Variants in IGSF22 observed in about 807,000 individuals in gnomAD.
The protein encoded by IGSF22 is immunoglobulin superfamily, member 22.
In IGSF22, 119 loss-of-function variants were observed where a neutral mutation model predicts 127.0. That is an observed-to-expected ratio of 0.94 (90% CI 0.81 to 1.09). The LOEUF (loss-of-function observed/expected upper bound fraction) is 1.09. IGSF22 is among the 50% of genes least tolerant of loss of function. The pLI is 0.00. For synonymous variants in IGSF22, 568 were observed against 664.7 expected (o/e 0.85, Z 2.24); for missense variants, 1,518 against 1,716.6 (o/e 0.88, Z 2.04).
chr11:18,709,539 T>G lies in IGSF22; in HGVS notation c.2846A>C (p.Lys949Thr). 6.2e-7 allele frequency: 1 copy of G among 1,614,170 alleles called. No homozygotes were observed. Among genetic ancestry groups the G allele is most frequent in the Non-Finnish European group, 8.5e-7 (1 of 1,180,030 alleles). ...GCCTGAGATGGGGATCTTTGTGCAC[T>G]TGGACCACTCCTTTGTGTCTTCAGC... Reference protein sequence around the residue: ...MRAEDTKEWSKCTKIPISGTC... With the variant: ...MRAEDTKEWSTCTKIPISGTC... Residue 949 changes from lysine (K) to threonine (T), a missense_variant, in exon 18 of 23, where the codon AAG becomes ACG. Around this residue, in one of 3 missense-constraint regions of IGSF22, gnomAD observed 1,456 missense variants for 1,644.9 expected, o/e 0.89. Transcript: ENST00000513874. The surrounding 1 kb of genome is among the most constrained non-coding windows in gnomAD (Gnocchi z 4.8).
At position 18,715,522 on chromosome 11, in the gene IGSF22, G is replaced by C. The variant is rs747129950; in HGVS notation, c.1441C>G (p.Gln481Glu). ...GTGTACTCGCCACCATCACTGAGCT[G>C]TGCATCCTCAATGATCAGCTCTGCT... ...KRAELIIEDAQLSDGGEYTVV... is the reference protein window; with the variant it reads ...KRAELIIEDAELSDGGEYTVV... Residue 481 changes from glutamine (Q) to glutamate (E), a missense_variant, in exon 11 of 23, where the codon CAG becomes GAG. Transcript: ENST00000513874. 6.2e-7 allele frequency: 1 copy of C among 1,613,730 alleles called. No individual in the cohort carries two copies.
chr11:18,708,767 T>C (rs1225771496), intron 18 of IGSF22, among the ~76,000 whole-genome samples: 1 of 152,210 alleles, frequency 6.6e-6, no homozygotes, highest in Non-Finnish European at 1.5e-5. Context: ...GCCACCAGGT[T>C]AGGAGGATGT....
Position 18,707,995 on chromosome 11 carries a change from C to A in IGSF22, c.3089G>T (p.Gly1030Val), listed in dbSNP as rs1259671470. The change falls in exon 20 of 23, where the codon GGC becomes GTC. Residue 1030 changes from glycine to valine, a missense_variant and splice_region_variant. By Grantham distance (109) the Gly-to-Val change is moderately radical. This residue lies in a region of IGSF22 where 1,456 missense variants were observed against 1,644.9 expected (regional missense o/e 0.89). Transcript: ENST00000513874. ...TALCIHAAFS[G>V]SPPPDVIWQK... ...CCAGATCACGTCAGGTGGTGGTGAG[C>A]CCTGAGTAGTGACAGGAGATGGCAC... 1 of 1,614,000 alleles carries A rather than the reference C, an allele frequency of 6.2e-7. No individual in the cohort carries two copies. The highest frequency in any genetic ancestry group is 2.2e-5 in the East Asian group (1 of 44,878).
In IGSF22 at chr11:18,721,649, G is replaced by C. The variant is rs1848575598; in HGVS notation, c.264C>G (p.Ala88=). 6.2e-7 allele frequency: 1 copy of C among 1,614,146 alleles called. No homozygotes were observed. The highest frequency in any genetic ancestry group is 1.3e-5 in the African/African-American group (1 of 74,958). ...GGGGTTTGGCGTTCCCCTGCACCCG[G>C]GCTCGGAACACGGCTTTGTCCCCTG... ...APEGDKAVFR[A]RVQGNAKPHI... is the part of the protein sequence containing the mutation. Residue 88 remains alanine (A), a synonymous_variant, in exon 4 of 23, where the codon GCC becomes GCG. Coordinates refer to ENST00000513874, the MANE Select transcript of IGSF22 (RefSeq NM_173588.4).
Position 18,707,176 on chromosome 11 carries a change from C to A in IGSF22, c.3318G>T (p.Glu1106Asp). Residue 1106 changes from glutamate to aspartate, a missense_variant, in exon 21 of 23, where the codon GAG becomes GAT. By Grantham distance (45) the Glu-to-Asp change is conservative. This residue lies in a region of IGSF22 where 1,456 missense variants were observed against 1,644.9 expected (regional missense o/e 0.89). Transcript: ENST00000513874. ...TCAGAGTCACTGTGTTGGGGACTTC[C>A]TCAAACAACCGTAGGTTTGTGGGGG... The part of the protein sequence containing the change: ...PRPPTNLRLF[E>D]EVPNTVTLTW... 1 of 1,546,628 alleles carries A rather than the reference C, an allele frequency of 6.5e-7. No homozygotes were observed. The highest frequency in any genetic ancestry group is 8.7e-7 in the Non-Finnish European group (1 of 1,144,032).
At chr11:18,713,090 C>T (rs1354711376) in intron 14 of IGSF22, among the ~76,000 whole-genome samples, 1 of 151,760 alleles carries the variant, frequency 6.6e-6, no homozygotes, top group African/African-American at 2.4e-5. Flanking sequence ...TTCAAACTCA[C>T]TACTCTTTCC....
intron 22 of IGSF22, chr11:18,705,315 C>G: frequency 6.4e-6 from 1 of 157,104 alleles, no homozygotes; most frequent in East Asian, 1.9e-4. Flanking sequence ...ATGCTTCCCC[C>G]TATGTGTGCA....
Position 18,714,149 on chromosome 11 carries a change from C to T in IGSF22, c.1799-1G>A. ...ACTGACGGGTCGATGGTAGGAGGAT[C>T]TGTGGGGCGGGGCGGCAGGGAAGGC... On this transcript the variant is annotated splice_acceptor_variant, in intron 13 of 22. Transcript: ENST00000513874. LOFTEE classifies it high-confidence loss of function. The T allele has an allele frequency of 6.2e-7, 1 of 1,607,702 alleles. No individual in the cohort carries two copies. Among genetic ancestry groups the T allele is most frequent in the South Asian group, 1.1e-5 (1 of 90,396 alleles).
chr11:18,724,354 A>T (rs923948651), intron 1 of IGSF22, 85 bp from the exon 2 acceptor site: 10 of 682,162 alleles, frequency 1.5e-5, no homozygotes, highest in Non-Finnish European at 1.8e-5. Context: ...CAGACATAAG[A>T]GGAGATGGAA....
rs532014620 is a variant in IGSF22, at chr11:18,713,354, T to C, written c.2095+498A>G. On this transcript the variant is annotated intron_variant, in intron 14 of 22. Transcript: ENST00000513874. ...TTTTAGTAGAGACCGGGTTTCGCCA[T>C]GTTGGCCAGGCTGGTTTCGAACTCC... is the stretch of plus-strand genomic sequence containing the variant. Among the ~76,000 whole-genome samples, 6 of 152,290 alleles carry C rather than the reference T, an allele frequency of 3.9e-5. No individual in the cohort carries two copies. In the East Asian group the frequency reaches 1.2e-3, roughly 29 times the overall value.
Position 18,714,062 on chromosome 11 carries a change from C to T in IGSF22, c.1885G>A (p.Val629Ile), listed in dbSNP as rs756799522. 3 of 1,614,270 alleles carry T rather than the reference C, an allele frequency of 1.9e-6. No homozygotes were observed. The highest frequency in any genetic ancestry group is 2.5e-6 in the Non-Finnish European group (3 of 1,180,050). Residue 629 changes from valine (V) to isoleucine (I), a missense_variant, in exon 14 of 23, where the codon GTC (valine) becomes ATC (isoleucine). Val to Ile is a conservative substitution (Grantham distance 29). Around this residue, in one of 3 missense-constraint regions of IGSF22, gnomAD observed 1,456 missense variants for 1,644.9 expected, o/e 0.89. Coordinates refer to ENST00000513874, the MANE Select transcript of IGSF22 (RefSeq NM_173588.4). ...GGCAGTGGTTTTCCCCGGAAGGGGA[C>T]CTTGATGTGGGCCGTGTGGCCTACC... Reference protein sequence around the residue: ...VKVGHTAHIKVPFRGKPLPKV... With the variant: ...VKVGHTAHIKIPFRGKPLPKV...
Position 18,717,944 on chromosome 11 carries a change from C to T in IGSF22, c.960G>A (p.Glu320=). The T allele has an allele frequency of 6.2e-7, 1 of 1,613,998 alleles. No homozygotes were observed. Residue 320 remains glutamate (E), a synonymous_variant, in exon 9 of 23, where the codon GAG becomes GAA. Coordinates refer to ENST00000513874, the MANE Select transcript of IGSF22 (RefSeq NM_173588.4). The part of the protein sequence containing the change: ...LSVGDKRMSA[E]LTVLDEPLKF... The stretch of plus-strand genomic sequence containing the variant: ...CCCCACTCATACCCAGCACTGTGAG[C>T]TCTGCACTCATCCGCTTATCGCCCA...
Position 18,713,950 on chromosome 11 carries a change from G to T in IGSF22, c.1997C>A (p.Thr666Asn). 1 of 1,614,278 alleles carries T rather than the reference G, an allele frequency of 6.2e-7. No homozygotes were observed. The highest frequency in any genetic ancestry group is 1.1e-5 in the South Asian group (1 of 91,090). The change falls in exon 14 of 23, where the codon ACC (threonine) becomes AAC (asparagine). Residue 666 changes from threonine (T) to asparagine (N), a missense_variant. Thr to Asn is a moderately conservative substitution (Grantham distance 65). Transcript: ENST00000513874. Reference protein sequence around the residue: ...MERGEDQALLTISNCVREDSG... With the variant: ...MERGEDQALLNISNCVREDSG... Reference sequence around the variant, plus strand: ...GTCTTCACGCACACAGTTGGAGATGGTGAGCAGTGCCTGGTCTTCCCCGCG... The same window carrying T: ...GTCTTCACGCACACAGTTGGAGATGTTGAGCAGTGCCTGGTCTTCCCCGCG...
chr11:18,710,509 C>T (rs1159522987), intron 16 of IGSF22, 54 bp from the exon 17 acceptor site: 9 of 1,608,328 alleles, frequency 5.6e-6, no homozygotes, highest in South Asian at 1.1e-5. Context: ...GGGGTGAGAA[C>T]AAGAGTGAGA....
intron 9 of IGSF22, 137 bp from the exon 10 acceptor site, chr11:18,717,137 C>G (rs571021926): frequency 1.1e-6 from 1 of 882,570 alleles, no homozygotes; most frequent in Admixed American, 2.8e-5. Flanking sequence ...GTTTTGTTTT[C>G]GAGCCCTTCT....
Position 18,704,525 on chromosome 11 carries a change from CTT to C in IGSF22, c.3922_3923del (p.Lys1308ValfsTer61). 6.5e-7 allele frequency: 1 copy of C among 1,549,426 alleles called. No homozygotes were observed. The highest frequency in any genetic ancestry group is 8.7e-7 in the Non-Finnish European group (1 of 1,145,636). ...TCTCGGTGATGGATGCTACAACTGACTTATCATCTTTGTCTGAAAGAGCAAAG... is the reference window on the plus strand; with the variant it reads ...TCTCGGTGATGGATGCTACAACTGACATCATCTTTGTCTGAAAGAGCAAAG... ...CTLTVYDKDD[K>X]SVVASITESL... On this transcript the variant is annotated frameshift_variant, in exon 23 of 23. Coordinates refer to ENST00000513874, the MANE Select transcript of IGSF22 (RefSeq NM_173588.4). LOFTEE classifies it high-confidence loss of function.
rs529731829 is a variant in IGSF22 at position 18,714,157 on chromosome 11, C to T, written c.1799-9G>A. The T allele has an allele frequency of 2.6e-5, 42 of 1,604,198 alleles. 1 individual carries two copies. Among genetic ancestry groups the T allele is most frequent in the African/African-American group, 1.6e-4 (12 of 74,896 alleles). On this transcript the variant is annotated splice_polypyrimidine_tract_variant and intron_variant, in intron 13 of 22. Coordinates refer to ENST00000513874, the MANE Select transcript of IGSF22 (RefSeq NM_173588.4). ...GTCGATGGTAGGAGGATCTGTGGGG[C>T]GGGGCGGCAGGGAAGGCTTGAGCAT...
chr11:18,708,268 C>T lies in IGSF22; in HGVS notation c.3026G>A (p.Arg1009Gln), dbSNP rs986470193. The change falls in exon 19 of 23, where the codon CGG becomes CAG. Residue 1009 changes from arginine to glutamine, a missense_variant. Physicochemically the swap from Arg to Gln is conservative, Grantham distance 43 (BLOSUM62 1). Transcript: ENST00000513874. ...GCGAACCACCATGTGACTCTTCAGC[C>T]GGGCACTGAGGTCAAACTTGGGTGC... is the stretch of plus-strand genomic sequence containing the variant. Reference protein sequence around the residue: ...PAAPKFDLSARLKSHMVVRAG... With the variant: ...PAAPKFDLSAQLKSHMVVRAG... The T allele has an allele frequency of 4.3e-5, 67 of 1,548,594 alleles. No individual in the cohort carries two copies. Among genetic ancestry groups the T allele is most frequent in the Non-Finnish European group, 5.4e-5 (62 of 1,145,656 alleles).
Position 18,708,014 on chromosome 11 carries a change from A to G in IGSF22, c.3088-18T>C. Reference sequence around the variant, plus strand: ...GGTGAGCCCTGAGTAGTGACAGGAGATGGCACAACTGGTCACACAGATGAT... The same window carrying G: ...GGTGAGCCCTGAGTAGTGACAGGAGGTGGCACAACTGGTCACACAGATGAT... On this transcript the variant is annotated intron_variant, in intron 19 of 22. Transcript: ENST00000513874. The G allele has an allele frequency of 6.2e-7, 1 of 1,613,400 alleles. No homozygotes were observed. The highest frequency in any genetic ancestry group is 2.2e-5 in the East Asian group (1 of 44,878).
Sources: allele counts gnomAD v4.1 joint callset (sites outside exome capture counted in the v4.1 genomes callset), GRCh38; gene constraint gnomAD v4.1.1; regional missense constraint gnomAD v4.1.1; non-coding constraint Gnocchi (gnomAD v3.1); transcripts MANE v1.5; gene names NCBI Gene and HGNC (gene_info 2026-07-23, HGNC 2026-07-21).